The following ALG14 variants were observed in gnomAD, a reference collection of about 807,000 sequenced individuals.
The protein encoded by ALG14 is ALG14 UDP-N-acetylglucosaminyltransferase subunit, also known as UDP-N-acetylglucosamine transferase subunit ALG14.
Under a neutral mutation model 22.8 loss-of-function variants are expected in ALG14, and 17 were observed. The ratio of observed to expected loss-of-function variants is 0.75; its 90% CI spans 0.51 to 1.12. The LOEUF (loss-of-function observed/expected upper bound fraction) is 1.12. Among genes scored for constraint, ALG14 ranks in the 50% most tolerant of loss-of-function variants. ALG14 has a pLI of 0.00. For synonymous variants in ALG14, 89 were observed against 103.7 expected, an observed-to-expected ratio of 0.86 and a Z score of 0.86; for missense variants, 288 against 271.8, an observed-to-expected ratio of 1.06 and a Z score of -0.42.
At position 95,072,786 on chromosome 1, in the gene ALG14, C is replaced by T. The variant is rs139521179; in HGVS notation, c.113G>A (p.Ser38Asn). 6.1e-5 allele frequency: 99 copies of T among 1,614,074 alleles called. 1 individual carries two copies. In the Admixed American group the frequency reaches 1.2e-3, roughly 20 times the overall value. Residue 38 changes from serine (S) to asparagine (N), a missense_variant, in exon 1 of 4, where the codon AGT becomes AAT. Coordinates refer to ENST00000370205, the MANE Select transcript of ALG14 (RefSeq NM_144988.4). ...SMDVTPRESL[S>N]ILVVAGSGGH... ...ACCGGACCCAGCCACTACCAAGATA[C>T]TGAGAGACTCCCGGGGCGTAACGTC...
intron 2 of ALG14, among the ~76,000 whole-genome samples, chr1:95,030,504 A>G (rs1466230252): frequency 6.6e-6 from 1 of 152,158 alleles, no homozygotes; most frequent in Non-Finnish European, 1.5e-5. Flanking sequence ...CCTAATCTCA[A>G]TACCTATAAT....
At chr1:95,053,964 A>G (rs1263279201) in intron 2 of ALG14, among the ~76,000 whole-genome samples, 4 of 152,196 alleles carry the variant, frequency 2.6e-5, no homozygotes, top group African/African-American at 7.2e-5. Flanking sequence ...TCTGCTCACA[A>G]TGTCAGATTA....
intron 2 of ALG14, among the ~76,000 whole-genome samples, chr1:95,060,567 A>T (rs1314440991): frequency 6.6e-6 from 1 of 150,410 alleles, no homozygotes; most frequent in Non-Finnish European, 1.5e-5. Context: ...AAAAAAAAAA[A>T]TAGCCAGACA....
chr1:95,017,936 GC>G (rs1477737181), intron 3 of ALG14, among the ~76,000 whole-genome samples: 3 of 152,156 alleles, frequency 2.0e-5, no homozygotes, highest in Non-Finnish European at 4.4e-5. Flanking sequence ...AGAGGGAGTG[GC>G]TTGGTTAAAA....
intron 2 of ALG14, among the ~76,000 whole-genome samples, chr1:95,056,022 C>CAAAACA (rs971625400): frequency 7.4e-6 from 1 of 134,934 alleles, no homozygotes. Flanking sequence ...AAAAAAAAAA[C>CAAAACA]AAAACAAAAA....
Position 95,027,248 on chromosome 1 carries a change from A to G in ALG14, c.301T>C (p.Tyr101His). ...CGGCTTCTTGGAATTCGGTGAATGT[A>G]GTATTTGGTATACTAGAAGGAAACA... Reference protein sequence around the residue: ...RDPSNMYTKYYIHRIPRSREV... With the variant: ...RDPSNMYTKYHIHRIPRSREV... The change falls in exon 3 of 4, where the codon TAC becomes CAC. Residue 101 changes from tyrosine (Y) to histidine (H), a missense_variant. Transcript: ENST00000370205. 2 of 1,614,162 alleles carry G rather than the reference A, an allele frequency of 1.2e-6. No individual in the cohort carries two copies. Among genetic ancestry groups the G allele is most frequent in the Non-Finnish European group, 1.7e-6 (2 of 1,180,004 alleles).
intron 3 of ALG14, among the ~76,000 whole-genome samples, chr1:94,990,277 A>T (rs1672740744): frequency 6.6e-6 from 1 of 152,182 alleles, no homozygotes; most frequent in Non-Finnish European, 1.5e-5. Flanking sequence ...CGATCAGTGG[A>T]GGTGGACAGC....
chr1:95,039,419 C>T (rs1674311556), intron 2 of ALG14, among the ~76,000 whole-genome samples: 1 of 152,012 alleles, frequency 6.6e-6, no homozygotes, highest in African/African-American at 2.4e-5. Flanking sequence ...CCAGCAGCAG[C>T]ACTAAGGTAG....
At chr1:95,009,396 A>G (rs1473828254) in intron 3 of ALG14, among the ~76,000 whole-genome samples, 1 of 152,098 alleles carries the variant, frequency 6.6e-6, no homozygotes, top group South Asian at 2.1e-4. Context: ...TATAGTAAGT[A>G]GAGCAGAGAA....
At chr1:94,987,080 T>C (rs2100714892) in intron 3 of ALG14, among the ~76,000 whole-genome samples, 1 of 152,276 alleles carries the variant, frequency 6.6e-6, no homozygotes, top group Admixed American at 6.5e-5. Flanking sequence ...TTGGTGCTAT[T>C]GACATCCATT....
chr1:95,012,164 A>T (rs1418528275), intron 3 of ALG14, among the ~76,000 whole-genome samples: 1 of 152,200 alleles, frequency 6.6e-6, no homozygotes, highest in African/African-American at 2.4e-5. Context: ...AGCTACATGG[A>T]ACTGTGAGTC....
intron 1 of ALG14, among the ~76,000 whole-genome samples, chr1:95,067,751 T>C (rs1447815982): frequency 6.6e-6 from 1 of 152,194 alleles, no homozygotes; most frequent in Non-Finnish European, 1.5e-5. Context: ...CTTCAGTCTA[T>C]CGCAACATAA....
At chr1:95,062,629 T>C (rs1216439168) in intron 2 of ALG14, among the ~76,000 whole-genome samples, 1 of 152,262 alleles carries the variant, frequency 6.6e-6, no homozygotes, top group Non-Finnish European at 1.5e-5. Context: ...GGACATGATC[T>C]TGTTCCTTTT....
At chr1:95,066,579 T>TTA (rs924064176) in intron 1 of ALG14, among the ~76,000 whole-genome samples, 1 of 152,110 alleles carries the variant, frequency 6.6e-6, no homozygotes, top group Non-Finnish European at 1.5e-5. Flanking sequence ...CCAGAAGGAA[T>TTA]TATATATAGA....
At chr1:95,018,154 C>T (rs1383456821) in intron 3 of ALG14, among the ~76,000 whole-genome samples, 1 of 151,598 alleles carries the variant, frequency 6.6e-6, no homozygotes, top group Non-Finnish European at 1.5e-5. Flanking sequence ...AAAATGGATG[C>T]AAACCAGAAA....
At chr1:94,991,442 G>T (rs1187787463) in intron 3 of ALG14, among the ~76,000 whole-genome samples, 1 of 152,174 alleles carries the variant, frequency 6.6e-6, no homozygotes, top group Non-Finnish European at 1.5e-5. Flanking sequence ...AATACTGTAG[G>T]CAACTATAAC....
chr1:95,040,304 C>T (rs2100795343), intron 2 of ALG14, among the ~76,000 whole-genome samples: 1 of 152,264 alleles, frequency 6.6e-6, no homozygotes, highest in South Asian at 2.1e-4. Context: ...TGGTTATTAG[C>T]AGGACCCACA....
rs929349755 is a variant in ALG14 at position 95,034,011 on chromosome 1, C to T, written c.289-6751G>A. Among the ~76,000 whole-genome samples the T allele has an allele frequency of 4.6e-5, 7 of 152,220 alleles. No individual in the cohort carries two copies. The South Asian group carries it at 1.2e-3, about 27-fold the overall frequency. On this transcript the variant is annotated intron_variant, in intron 2 of 3. Transcript: ENST00000370205. ...CATGTAATCTGGTGCTGGCTCACAT[C>T]TCTAATTCCTCCTTGTTCATTCACT...
intron 2 of ALG14, among the ~76,000 whole-genome samples, chr1:95,055,092 C>G (rs1237758815): frequency 6.6e-6 from 1 of 152,050 alleles, no homozygotes; most frequent in Non-Finnish European, 1.5e-5. Flanking sequence ...AATCAACAAC[C>G]AAGTATGATT....
Sources: allele counts gnomAD v4.1 joint callset (sites outside exome capture counted in the v4.1 genomes callset), GRCh38; gene constraint gnomAD v4.1.1; transcripts MANE v1.5; gene names NCBI Gene and HGNC (gene_info 2026-07-23, HGNC 2026-07-21).